The following NSUN7 variants were observed in gnomAD, a reference collection of about 807,000 sequenced individuals.
NSUN7 encodes the protein NOP2/Sun RNA methyltransferase family member 7.
NSUN7 carries 39 observed loss-of-function variants against 58.5 expected under a neutral mutation model. The ratio of observed to expected loss-of-function variants is 0.67; its 90% CI spans 0.52 to 0.87. The LOEUF (loss-of-function observed/expected upper bound fraction) is 0.87, where lower values mean the gene tolerates loss of function less well. Ranked by LOEUF, NSUN7 falls within the 40% of genes least tolerant of loss-of-function variation. The probability of loss-of-function intolerance (pLI) is 0.00; values close to 1 mark genes in which losing one functional copy is unlikely to be tolerated. For synonymous variants in NSUN7, 278 were observed against 303.7 expected (o/e 0.92, Z 0.88); for missense variants, 765 against 844.1 (o/e 0.91, Z 1.16).
At chr4:40,769,497 A>G (rs1038324840) in intron 4 of NSUN7, among the ~76,000 whole-genome samples, 7 of 152,226 alleles carry the variant, frequency 4.6e-5, no homozygotes, top group African/African-American at 9.6e-5. Context: ...TCAAACTGCA[A>G]TGCAGAAAGT....
At chr4:40,807,948 G>A (rs952485909) in intron 11 of NSUN7, among the ~76,000 whole-genome samples, 1 of 148,584 alleles carries the variant, frequency 6.7e-6, no homozygotes, top group African/African-American at 2.5e-5. Context: ...GCTGAGGCAG[G>A]AGAACTGCTT....
rs187256090 is a variant in NSUN7 at position 40,807,645 on chromosome 4, C to T, written c.1524+461C>T. Among the ~76,000 whole-genome samples the T allele has an allele frequency of 1.1e-4, 16 of 152,146 alleles. No individual in the cohort carries two copies. In the East Asian group the frequency reaches 3.1e-3, roughly 29 times the overall value. On this transcript the variant is annotated intron_variant, in intron 11 of 11. Transcript: ENST00000381782. ...ACAGGTGTGAACCACCGCACCCGGC[C>T]AGCCCTGTTCTTTATACTTCCCCCG...
chr4:40,779,169 A>C (rs1742408440), intron 7 of NSUN7, among the ~76,000 whole-genome samples: 1 of 152,094 alleles, frequency 6.6e-6, no homozygotes, highest in Admixed American at 6.5e-5. Flanking sequence ...AAAATAAAAA[A>C]AAAATAGCTG....
At chr4:40,791,228 C>T (rs1483939968) in intron 8 of NSUN7, among the ~76,000 whole-genome samples, 1 of 152,150 alleles carries the variant, frequency 6.6e-6, no homozygotes, top group East Asian at 1.9e-4. Flanking sequence ...GTGTCTTAAT[C>T]GCTAGGATGT....
Position 40,750,815 on chromosome 4 carries a change from G to T in NSUN7, c.122G>T (p.Gly41Val), listed in dbSNP as rs1430164324. The stretch of plus-strand genomic sequence containing the variant: ...TCAGCTGGTGTGCCCGAAAAAACGG[G>T]CTATCCGGACTCCGTTTATGTCATG... ...KSSAGVPEKT[G>V]YPDSVYVMAA... The change falls in exon 2 of 12, where the codon GGC becomes GTC. Residue 41 changes from glycine (G) to valine (V), a missense_variant. Coordinates refer to ENST00000381782, the MANE Select transcript of NSUN7 (RefSeq NM_024677.6). 6.2e-7 allele frequency: 1 copy of T among 1,614,034 alleles called. No individual in the cohort carries two copies. Among genetic ancestry groups the T allele is most frequent in the Admixed American group, 1.7e-5 (1 of 60,000 alleles).
chr4:40,806,828 G>A (rs1205375070), intron 10 of NSUN7, among the ~76,000 whole-genome samples: 2 of 152,036 alleles, frequency 1.3e-5, no homozygotes, highest in African/African-American at 4.8e-5. Flanking sequence ...TGGCATAGTT[G>A]GTTAAAGATG....
intron 10 of NSUN7, among the ~76,000 whole-genome samples, chr4:40,800,905 G>GACTT (rs1420227839): frequency 2.6e-5 from 4 of 151,986 alleles, no homozygotes; most frequent in African/African-American, 9.7e-5. Flanking sequence ...GAAAAGGTCT[G>GACTT]ACTTTATTCT....
chr4:40,772,687 G>C (rs537008282), intron 4 of NSUN7, among the ~76,000 whole-genome samples: 1 of 152,130 alleles, frequency 6.6e-6, no homozygotes, highest in Non-Finnish European at 1.5e-5. Context: ...AACAGTTGGT[G>C]CTAAAAAAAT....
chr4:40,785,035 A>AGTT lies in NSUN7; in HGVS notation c.1037-5551_1037-5549dup, dbSNP rs140661226. ...CTTTCAAAGGACTGAAATCATACAA[A>AGTT]GTTGTTGTTGTTGTTGTTTTAGAGA... is the stretch of plus-strand genomic sequence containing the variant. On this transcript the variant is annotated intron_variant, in intron 7 of 11. Coordinates refer to ENST00000381782, the MANE Select transcript of NSUN7 (RefSeq NM_024677.6). Among the ~76,000 whole-genome samples the AGTT allele has an allele frequency of 9.3e-3, 1,413 of 152,072 alleles. 30 individuals carry two copies. Among genetic ancestry groups the AGTT allele is most frequent in the African/African-American group, 0.032 (1,333 of 41,452 alleles).
chr4:40,804,308 C>T (rs1743726788), intron 10 of NSUN7, among the ~76,000 whole-genome samples: 1 of 151,994 alleles, frequency 6.6e-6, no homozygotes, highest in African/African-American at 2.4e-5. Flanking sequence ...GGCGTGGTGT[C>T]AGGCGCCTGT....
chr4:40,757,576 CAT>C (rs1287889792), intron 2 of NSUN7, among the ~76,000 whole-genome samples: 65 of 135,698 alleles, frequency 4.8e-4, no homozygotes, highest in East Asian at 1.0e-3. Context: ...ATATAAATTG[CAT>C]ATATATATAC....
chr4:40,770,844 A>G (rs1741968809), intron 4 of NSUN7, among the ~76,000 whole-genome samples: 2 of 152,304 alleles, frequency 1.3e-5, no homozygotes, highest in East Asian at 3.9e-4. Flanking sequence ...TGAGGTCAAG[A>G]GATCGAGACC....
At chr4:40,774,073 C>T (rs1742146923) in intron 4 of NSUN7, among the ~76,000 whole-genome samples, 192 bp from the exon 5 acceptor site, 2 of 152,218 alleles carry the variant, frequency 1.3e-5, no homozygotes, top group African/African-American at 4.8e-5. Context: ...GTTGGGATTA[C>T]AGGCATGAGC....
At chr4:40,752,099 T>C (rs1740865154) in intron 2 of NSUN7, among the ~76,000 whole-genome samples, 1 of 152,206 alleles carries the variant, frequency 6.6e-6, no homozygotes. Context: ...TTTATGTTGG[T>C]TTGTAAACTG....
At chr4:40,782,265 A>C (rs1207035780) in intron 7 of NSUN7, among the ~76,000 whole-genome samples, 1 of 152,156 alleles carries the variant, frequency 6.6e-6, no homozygotes, top group Non-Finnish European at 1.5e-5. Flanking sequence ...TTGTACAATG[A>C]AAAACTACAA....
intron 2 of NSUN7, among the ~76,000 whole-genome samples, chr4:40,753,949 A>C (rs1176971531): frequency 6.6e-6 from 1 of 152,152 alleles, no homozygotes; most frequent in East Asian, 1.9e-4. Context: ...CTCCCCAGCC[A>C]TATGGAACTG....
intron 2 of NSUN7, among the ~76,000 whole-genome samples, chr4:40,756,492 ATAACC>A (rs1458092572): frequency 6.6e-6 from 1 of 152,198 alleles, no homozygotes; most frequent in Non-Finnish European, 1.5e-5. Flanking sequence ...GTAAGTCCTG[ATAACC>A]TAAATTAGGC....
intron 9 of NSUN7, among the ~76,000 whole-genome samples, chr4:40,796,901 C>T (rs766454313): frequency 1.3e-5 from 2 of 152,114 alleles, no homozygotes; most frequent in African/African-American, 4.8e-5. Context: ...TTGCCTTTCC[C>T]CTGGGAACAG....
chr4:40,776,514 A>G (rs935360871), intron 7 of NSUN7: 3 of 272,396 alleles, frequency 1.1e-5, no homozygotes, highest in African/African-American at 6.6e-5. Flanking sequence ...AGGCTCAAAC[A>G]TTTAAAGTAG....
Sources: gnomAD v4.1 joint callset for allele counts (sites outside exome capture counted in the v4.1 genomes callset) on GRCh38, gnomAD v4.1.1 for gene constraint, MANE v1.5 for transcripts, NCBI Gene and HGNC (gene_info 2026-07-23, HGNC 2026-07-21) for gene names.